HMGA2: variants seen among roughly 807,000 people sequenced by gnomAD.
HMGA2 encodes the protein high mobility group AT-hook 2.
Under a neutral mutation model 19.1 loss-of-function variants are expected in HMGA2, and 8 were observed. That is an observed-to-expected ratio of 0.42 (90% CI 0.25 to 0.76). The LOEUF is 0.76. Ranked by LOEUF, HMGA2 falls within the 30% of genes least tolerant of loss-of-function variation. HMGA2 has a pLI of 0.28. For missense variants in HMGA2, 109 were observed against 136.3 expected (o/e 0.80, Z 1.00); for synonymous variants, 60 against 48.8 (o/e 1.23, Z -0.96).
At chr12:65,848,472 T>G (rs1871317483) in intron 3 of HMGA2, among the ~76,000 whole-genome samples, 1 of 152,186 alleles carries the variant, frequency 6.6e-6, no homozygotes, top group South Asian at 2.1e-4. Flanking sequence ...CAACTAAAGA[T>G]TTACTGGGGA....
At chr12:65,924,877 G>A (rs1875450389) in intron 3 of HMGA2, among the ~76,000 whole-genome samples, 1 of 152,124 alleles carries the variant, frequency 6.6e-6, no homozygotes, top group Admixed American at 6.5e-5. Flanking sequence ...TTCAGAACAG[G>A]TCTTCCTATT....
chr12:65,901,708 C>T (rs1874379823), intron 3 of HMGA2, among the ~76,000 whole-genome samples: 1 of 152,048 alleles, frequency 6.6e-6, no homozygotes, highest in Admixed American at 6.6e-5. Flanking sequence ...TATATATGCA[C>T]ACATTGTTTT....
chr12:65,879,484 T>A (rs1023772996), intron 3 of HMGA2, among the ~76,000 whole-genome samples: 2 of 152,184 alleles, frequency 1.3e-5, no homozygotes, highest in African/African-American at 4.8e-5. Flanking sequence ...TATATAAAGT[T>A]TTTTTCTTCT....
At position 65,875,703 on chromosome 12, in the gene HMGA2, G is replaced by A. The variant is rs552053289; in HGVS notation, c.249+37134G>A. On this transcript the variant is annotated intron_variant, in intron 3 of 4. Coordinates refer to ENST00000403681, the MANE Select transcript of HMGA2 (RefSeq NM_003483.6). ...TTACTTCAGGTGATCCGCCTGACTC[G>A]GCCTTCCAAGGGGCTGGGATTATAG... Among the ~76,000 whole-genome samples the A allele has an allele frequency of 2.0e-4, 29 of 144,422 alleles. No homozygotes were observed. The South Asian group carries it at 5.7e-3, about 28-fold the overall frequency. 94.7% of individuals were successfully genotyped at this position (144,422 alleles called of 152,430 possible).
chr12:65,838,422 C>A, intron 2 of HMGA2, 97 bp from the exon 3 acceptor site: 1 of 904,308 alleles, frequency 1.1e-6, no homozygotes. Context: ...ACGTCATCTG[C>A]AAAGCAGAAC....
chr12:65,862,792 G>A (rs982702016), intron 3 of HMGA2, among the ~76,000 whole-genome samples: 2 of 152,206 alleles, frequency 1.3e-5, no homozygotes, highest in Non-Finnish European at 2.9e-5. Context: ...CATGGCTGTG[G>A]ATAAAGATCC....
chr12:65,841,204 C>T (rs906956005), intron 3 of HMGA2, among the ~76,000 whole-genome samples: 3 of 152,176 alleles, frequency 2.0e-5, no homozygotes, highest in South Asian at 4.1e-4. Context: ...ATCTGGATTT[C>T]AGGCATCAGA....
At chr12:65,898,547 G>A (rs950322142) in intron 3 of HMGA2, among the ~76,000 whole-genome samples, 6 of 151,846 alleles carry the variant, frequency 4.0e-5, no homozygotes, top group Non-Finnish European at 4.4e-5. Flanking sequence ...TTAAAATATC[G>A]GTGTTATCTG....
At chr12:65,928,336 A>G (rs985984873) in intron 3 of HMGA2, among the ~76,000 whole-genome samples, 13 of 152,178 alleles carry the variant, frequency 8.5e-5, no homozygotes, top group African/African-American at 2.7e-4. Context: ...CTTACCATGG[A>G]TGGAAATTGC....
intron 3 of HMGA2, among the ~76,000 whole-genome samples, chr12:65,940,895 GT>G (rs1485085252): frequency 1.3e-5 from 2 of 152,142 alleles, no homozygotes; most frequent in Non-Finnish European, 2.9e-5. Flanking sequence ...CAAACTATGT[GT>G]CACTGTTATG....
At chr12:65,838,753 T>C (rs1021763627) in intron 3 of HMGA2, among the ~76,000 whole-genome samples, 184 bp downstream of exon 3, 2 of 152,130 alleles carry the variant, frequency 1.3e-5, no homozygotes, top group Non-Finnish European at 2.9e-5. Flanking sequence ...GGTGTTTACG[T>C]AGAACACTTT....
chr12:65,943,733 C>T (rs1876167830), intron 3 of HMGA2, among the ~76,000 whole-genome samples: 1 of 152,166 alleles, frequency 6.6e-6, no homozygotes, highest in Non-Finnish European at 1.5e-5. Flanking sequence ...TACAAAATCT[C>T]CTTTGCACCA....
intron 4 of HMGA2, among the ~76,000 whole-genome samples, chr12:65,959,772 G>A (rs1438870202): frequency 6.6e-6 from 1 of 152,162 alleles, no homozygotes; most frequent in Non-Finnish European, 1.5e-5. Flanking sequence ...GGCTCCTCTT[G>A]GGAGCTACAC....
intron 3 of HMGA2, chr12:65,842,504 T>C: frequency 9.6e-7 from 1 of 1,041,526 alleles, no homozygotes; most frequent in African/African-American, 1.6e-5. Context: ...CATTATGTCC[T>C]CAATATATTT....
intron 2 of HMGA2, among the ~76,000 whole-genome samples, chr12:65,832,745 A>G (rs913033455): frequency 1.3e-5 from 2 of 152,028 alleles, no homozygotes; most frequent in African/African-American, 4.8e-5. Flanking sequence ...TATTGTTTTA[A>G]TACACTGAGC....
At chr12:65,865,606 T>TAG (rs1468388148) in intron 3 of HMGA2, among the ~76,000 whole-genome samples, 1 of 151,764 alleles carries the variant, frequency 6.6e-6, no homozygotes, top group African/African-American at 2.4e-5. Context: ...GCATACATTC[T>TAG]AAGCGTCTGT....
chr12:65,918,640 G>A (rs1875194327), intron 3 of HMGA2, among the ~76,000 whole-genome samples: 1 of 152,116 alleles, frequency 6.6e-6, no homozygotes, highest in African/African-American at 2.4e-5. Flanking sequence ...AAACTTTTAA[G>A]AAAAGAAACA....
At chr12:65,872,574 A>T (rs1210751785) in intron 3 of HMGA2, among the ~76,000 whole-genome samples, 4 of 152,026 alleles carry the variant, frequency 2.6e-5, no homozygotes, top group Admixed American at 2.6e-4. Flanking sequence ...AACATTTGCA[A>T]AGTTCTGCCA....
At chr12:65,937,921 G>A (rs961135007) in intron 3 of HMGA2, among the ~76,000 whole-genome samples, 1 of 152,142 alleles carries the variant, frequency 6.6e-6, no homozygotes, top group African/African-American at 2.4e-5. Flanking sequence ...AGCCAAACCA[G>A]TTGCTACTCT....
Sources: allele counts gnomAD v4.1 joint callset (sites outside exome capture counted in the v4.1 genomes callset), GRCh38; gene constraint gnomAD v4.1.1; transcripts MANE v1.5; gene names NCBI Gene and HGNC (gene_info 2026-07-23, HGNC 2026-07-21).